Variants in TSPEAR observed in about 807,000 individuals in gnomAD.
TSPEAR encodes thrombospondin-type laminin G domain and EAR repeat-containing protein.
A neutral mutation model predicts 71.6 loss-of-function variants in TSPEAR; 69 were observed. The observed-to-expected ratio is 0.96, with a 90% CI of 0.79 to 1.18. TSPEAR has a LOEUF of 1.18. Ranked by LOEUF, TSPEAR falls within the 50% of genes most tolerant of loss-of-function variation. TSPEAR has a pLI of 0.00. For missense variants in TSPEAR, 971 were observed against 894.9 expected (o/e 1.09, Z -1.09); for synonymous variants, 402 against 387.2 (o/e 1.04, Z -0.45).
At chr21:44,528,181 G>A (rs2052895457) in intron 6 of TSPEAR, among the ~76,000 whole-genome samples, 1 of 152,196 alleles carries the variant, frequency 6.6e-6, no homozygotes, top group Non-Finnish European at 1.5e-5. Flanking sequence ...GAGGCTCCTG[G>A]TGGGGCAGTT....
rs538129316 is a variant in TSPEAR at position 44,711,505 on chromosome 21, G to A, written c.10C>T (p.Leu4=). MSA[L]LSLCFVLPLA... ...GGCAGCACAAAACACAGACTCAGCA[G>A]GGCAGACATGAGGGGCTTGGGTGCC... The change falls in exon 1 of 12, where the codon CTG becomes TTG. Residue 4 remains leucine (L), a synonymous_variant. Transcript: ENST00000323084. The surrounding 1 kb of genome is among the most constrained non-coding windows in gnomAD (Gnocchi z 4.5). The A allele has an allele frequency of 6.2e-7, 1 of 1,611,658 alleles. No homozygotes were observed. Among genetic ancestry groups the A allele is most frequent in the Admixed American group, 1.7e-5 (1 of 59,860 alleles).
intron 8 of TSPEAR, among the ~76,000 whole-genome samples, chr21:44,525,142 ACAGT>A (rs1365818124): frequency 1.6e-4 from 24 of 149,962 alleles, no homozygotes; most frequent in Middle Eastern, 3.6e-3. Flanking sequence ...AGTCAGTCAG[ACAGT>A]CAGGTAGTTA....
intron 1 of TSPEAR, chr21:44,654,088 G>A (rs1984971861): frequency 1.6e-6 from 1 of 607,892 alleles, no homozygotes; most frequent in Non-Finnish European, 3.0e-6. Flanking sequence ...GTGAACCCAG[G>A]AGAAACTGTG....
intron 1 of TSPEAR, among the ~76,000 whole-genome samples, chr21:44,645,449 T>C (rs1984265763): frequency 6.6e-6 from 1 of 151,510 alleles, no homozygotes; most frequent in South Asian, 2.1e-4. Context: ...CTCCACCTCC[T>C]GGGTTCAAGA....
At chr21:44,518,218 T>C (rs2052645230) in intron 9 of TSPEAR, 1 of 430,568 alleles carries the variant, frequency 2.3e-6, no homozygotes, top group Non-Finnish European at 4.7e-6. Flanking sequence ...TAGAGCTAGC[T>C]CAGTTTCTTT....
chr21:44,558,530 A>G (rs1249345379), intron 2 of TSPEAR: 2 of 1,613,344 alleles, frequency 1.2e-6, no homozygotes, highest in African/African-American at 2.7e-5. Flanking sequence ...GGCTGGGCTC[A>G]CAGGCCGCCT....
chr21:44,510,015 C>G (rs2052323447), intron 9 of TSPEAR: 1 of 152,874 alleles, frequency 6.5e-6, no homozygotes, highest in African/African-American at 2.4e-5. Flanking sequence ...GAAGCCATCT[C>G]TGGGTTCCTG....
At chr21:44,662,732 C>T (rs1555943932) in intron 1 of TSPEAR, among the ~76,000 whole-genome samples, 1 of 152,048 alleles carries the variant, frequency 6.6e-6, no homozygotes, top group African/African-American at 2.4e-5. Flanking sequence ...AAACTTCAAC[C>T]CATGTAAAAA....
At chr21:44,662,660 G>A (rs1555943912) in intron 1 of TSPEAR, among the ~76,000 whole-genome samples, 1 of 152,148 alleles carries the variant, frequency 6.6e-6, no homozygotes, top group East Asian at 1.9e-4. Context: ...AACAATAACA[G>A]ATACACATTC....
chr21:44,557,939 G>A, intron 2 of TSPEAR: 1 of 1,246,208 alleles, frequency 8.0e-7, no homozygotes, highest in Non-Finnish European at 1.1e-6. Flanking sequence ...ATTGCTGGCT[G>A]GAGGTGCAGT....
intron 2 of TSPEAR, chr21:44,551,366 G>T: frequency 1.2e-6 from 2 of 1,613,168 alleles, no homozygotes; most frequent in South Asian, 1.1e-5. Context: ...TGGGGGTGCC[G>T]CAGGGGAGCT....
At chr21:44,510,453 G>A (rs782420746) in intron 9 of TSPEAR, among the ~76,000 whole-genome samples, 1 of 152,210 alleles carries the variant, frequency 6.6e-6, no homozygotes, top group Non-Finnish European at 1.5e-5. Context: ...TGCCCAAATC[G>A]ACCAGCAAGG....
chr21:44,574,522 G>T, intron 1 of TSPEAR: 9 of 1,609,632 alleles, frequency 5.6e-6, no homozygotes, highest in Non-Finnish European at 7.6e-6. Flanking sequence ...CAGCAGTCTA[G>T]CTGCCAGCCG....
intron 8 of TSPEAR, among the ~76,000 whole-genome samples, chr21:44,524,500 T>TAGTCAGTCAGGC (rs2052806536): frequency 6.6e-6 from 1 of 150,832 alleles, no homozygotes; most frequent in South Asian, 2.1e-4. Context: ...GTTAGTCAGG[T>TAGTCAGTCAGGC]AGTCAGTCAG....
rs1002226156 is a variant in TSPEAR, at chr21:44,521,850, A to G, written c.1566+33T>C. On this transcript the variant is annotated intron_variant, in intron 9 of 11. Coordinates refer to ENST00000323084, the MANE Select transcript of TSPEAR (RefSeq NM_144991.3). Reference sequence around the variant, plus strand: ...CAGGTGACAGACGCAGTGGCCAGCAATGGAGAGCCGGGGCTCATGCGGGGG... The same window carrying G: ...CAGGTGACAGACGCAGTGGCCAGCAGTGGAGAGCCGGGGCTCATGCGGGGG... 4 of 1,592,012 alleles carry G rather than the reference A, an allele frequency of 2.5e-6. No individual in the cohort carries two copies. In the African/African-American group the frequency reaches 4.0e-5, roughly 16 times the overall value.
At chr21:44,670,206 T>C (rs1985989332) in intron 1 of TSPEAR, among the ~76,000 whole-genome samples, 2 of 152,216 alleles carry the variant, frequency 1.3e-5, no homozygotes, top group African/African-American at 2.4e-5. Flanking sequence ...TGGTAAATTA[T>C]TGATGATGTT....
In TSPEAR at chr21:44,499,717, A is replaced by G; in HGVS notation, c.*66T>C. 2 of 1,466,868 alleles carry G rather than the reference A, an allele frequency of 1.4e-6. No homozygotes were observed. Among genetic ancestry groups the G allele is most frequent in the Non-Finnish European group, 1.8e-6 (2 of 1,105,752 alleles). The allele number at this position is 1,466,868 out of a possible 1,614,324, so 90.9% of individuals were successfully genotyped here. ...TGGGCCCACCTGGACGTCCAGGGTC[A>G]GTTGGGGGAGGTGCTGGGGTCCCGC... On this transcript the variant is annotated 3_prime_UTR_variant, in exon 12 of 12. Coordinates refer to ENST00000323084, the MANE Select transcript of TSPEAR (RefSeq NM_144991.3).
chr21:44,572,118 A>G (rs891418878), intron 1 of TSPEAR, among the ~76,000 whole-genome samples: 10 of 152,226 alleles, frequency 6.6e-5, no homozygotes, highest in Non-Finnish European at 1.5e-4. Context: ...TCCTCCCCCA[A>G]CGCGATGCCC....
At chr21:44,545,295 G>A (rs1386793672) in intron 2 of TSPEAR, among the ~76,000 whole-genome samples, 1 of 151,686 alleles carries the variant, frequency 6.6e-6, no homozygotes, top group Non-Finnish European at 1.5e-5. Context: ...TCCAGCCTGG[G>A]TGACAGAGCA....
Sources: gnomAD v4.1 joint callset for allele counts (sites outside exome capture counted in the v4.1 genomes callset) on GRCh38, gnomAD v4.1.1 for gene constraint, Gnocchi (gnomAD v3.1) non-coding constraint, MANE v1.5 for transcripts, NCBI Gene and HGNC (gene_info 2026-07-23, HGNC 2026-07-21) for gene names.